Variants in JCHAIN observed in about 807,000 individuals in gnomAD.
The protein encoded by JCHAIN is joining chain of multimeric IgA and IgM.
Under a neutral mutation model 11.1 loss-of-function variants are expected in JCHAIN, and 5 were observed. That is an observed-to-expected ratio of 0.45 (90% CI 0.24 to 0.95). The LOEUF is 0.95. JCHAIN is among the 40% of genes least tolerant of loss of function. The pLI is 0.21. For synonymous variants in JCHAIN, 51 were observed against 67.8 expected (o/e 0.75, Z 1.22); for missense variants, 165 against 192.7 (o/e 0.86, Z 0.85).
Position 70,657,247 on chromosome 4 carries a change from G to A in JCHAIN, c.233C>T (p.Pro78Leu), listed in dbSNP as rs768807937. The A allele has an allele frequency of 6.2e-7, 1 of 1,605,150 alleles. No homozygotes were observed. The highest frequency in any genetic ancestry group is 1.1e-5 in the South Asian group (1 of 90,786). Residue 78 changes from proline to leucine, a missense_variant, in exon 3 of 4, where the codon CCA becomes CTA. Transcript: ENST00000254801. ...NRENISDPTS[P>L]LRTRFVYHLS... ...ATGGTACACAAATCTGGTTCTCAAT[G>A]GTGAGGTGGGATCAGAGATATTCTC...
intron 1 of JCHAIN, among the ~76,000 whole-genome samples, chr4:70,662,594 T>A (rs1053736726): frequency 1.3e-5 from 2 of 152,196 alleles, no homozygotes; most frequent in African/African-American, 2.4e-5. Flanking sequence ...ACCACAATTA[T>A]CTGCCTTTTC....
chr4:70,665,931 G>C (rs1739145351), intron 1 of JCHAIN: 1 of 309,990 alleles, frequency 3.2e-6, no homozygotes, highest in African/African-American at 2.2e-5. Flanking sequence ...CAAAAGTTCA[G>C]TCATCAATTT....
At chr4:70,658,947 C>T (rs537502697) in intron 2 of JCHAIN, among the ~76,000 whole-genome samples, 1 of 152,240 alleles carries the variant, frequency 6.6e-6, no homozygotes, top group East Asian at 1.9e-4. Context: ...TTTAAATAAA[C>T]TGTTTTATCC....
Position 70,660,490 on chromosome 4 carries a change from T to C in JCHAIN, c.188+1602A>G, listed in dbSNP as rs146624128. Among the ~76,000 whole-genome samples, 870 of 151,950 alleles carry C rather than the reference T, an allele frequency of 5.7e-3. 5 individuals are homozygous for C. The highest frequency in any genetic ancestry group is 0.016 in the African/African-American group (647 of 41,386). On this transcript the variant is annotated intron_variant, in intron 2 of 3. Coordinates refer to ENST00000254801, the MANE Select transcript of JCHAIN (RefSeq NM_144646.4). ...CCTCCGCCTTCCGGGTTCAAGTGAT[T>C]CTCCTGCTTCAGCCTCCCGAGTAGC...
chr4:70,666,288 T>C, intron 1 of JCHAIN, 139 bp downstream of exon 1: 4 of 612,344 alleles, frequency 6.5e-6, no homozygotes, highest in Admixed American at 3.1e-5. Flanking sequence ...ACAACTGCCA[T>C]AGAAAGATGA....
At chr4:70,657,617 T>C (rs180845862) in intron 2 of JCHAIN, among the ~76,000 whole-genome samples, 253 of 152,278 alleles carry the variant, frequency 1.7e-3, no homozygotes, top group Middle Eastern at 0.01. Flanking sequence ...AACAAACTTC[T>C]TCCTCTGCAG....
At chr4:70,659,089 C>G (rs578241811) in intron 2 of JCHAIN, among the ~76,000 whole-genome samples, 2 of 152,270 alleles carry the variant, frequency 1.3e-5, no homozygotes, top group East Asian at 3.9e-4. Flanking sequence ...AAGCCAAACA[C>G]TGTTCTTTTA....
chr4:70,660,654 C>G (rs1049854931), intron 2 of JCHAIN, among the ~76,000 whole-genome samples: 5 of 151,944 alleles, frequency 3.3e-5, no homozygotes, highest in Non-Finnish European at 7.4e-5. Context: ...AAAGTGCTGG[C>G]ATTACAGGCA....
chr4:70,662,230 G>A lies in JCHAIN; in HGVS notation c.65-15C>T, dbSNP rs147406561. On this transcript the variant is annotated splice_polypyrimidine_tract_variant and intron_variant, in intron 1 of 3. Coordinates refer to ENST00000254801, the MANE Select transcript of JCHAIN (RefSeq NM_144646.4). ...ATCTTCTTGGGCTTGAAAGGTAAAC[G>A]TATTAAAAAGAAAGGAAAACAAAGG... The A allele has an allele frequency of 8.8e-5, 142 of 1,604,664 alleles. No individual in the cohort carries two copies. In the African/African-American group the frequency reaches 1.6e-3, roughly 18 times the overall value.
Position 70,656,159 on chromosome 4 carries a change from T to A in JCHAIN, c.*170A>T, listed in dbSNP as rs1738946023. 8.3e-6 allele frequency: 5 copies of A among 600,284 alleles called. No individual in the cohort carries two copies. The highest frequency in any genetic ancestry group is 1.9e-5 in the African/African-American group (1 of 53,288). The allele number at this position is 600,284 out of a possible 1,614,324, so 37.2% of individuals were successfully genotyped here. ...TTAAGAAGTGATTACCTAATAAAGATAACAATGTGACTATTTTAATTATTT... is the reference window on the plus strand; with the variant it reads ...TTAAGAAGTGATTACCTAATAAAGAAAACAATGTGACTATTTTAATTATTT... On this transcript the variant is annotated 3_prime_UTR_variant, in exon 4 of 4. Coordinates refer to ENST00000254801, the MANE Select transcript of JCHAIN (RefSeq NM_144646.4).
At chr4:70,660,040 A>T (rs949741500) in intron 2 of JCHAIN, among the ~76,000 whole-genome samples, 4 of 152,182 alleles carry the variant, frequency 2.6e-5, no homozygotes, top group African/African-American at 9.7e-5. Context: ...AAATAAAAAG[A>T]TGAATTAGAA....
chr4:70,656,597 T>A, intron 3 of JCHAIN, 58 bp from the exon 4 acceptor site: 2 of 1,275,948 alleles, frequency 1.6e-6, no homozygotes, highest in East Asian at 2.3e-5. Context: ...AAAATGTGAC[T>A]ACACATTTCA....
chr4:70,657,191 T>C lies in JCHAIN; in HGVS notation c.269+20A>G, dbSNP rs576956923. The C allele has an allele frequency of 1.4e-5, 19 of 1,396,966 alleles. No homozygotes were observed. The highest frequency in any genetic ancestry group is 1.8e-5 in the Non-Finnish European group (18 of 988,376). The allele number at this position is 1,396,966 out of a possible 1,614,324, so 86.5% of individuals were successfully genotyped here. On this transcript the variant is annotated intron_variant, in intron 3 of 3. Coordinates refer to ENST00000254801, the MANE Select transcript of JCHAIN (RefSeq NM_144646.4). Reference sequence around the variant, plus strand: ...ATTAACTTCCACATCTATATTACTATGGAAAAAAATATATCTTACAGGTCA... The same window carrying C: ...ATTAACTTCCACATCTATATTACTACGGAAAAAAATATATCTTACAGGTCA...
chr4:70,661,559 GC>G (rs2148528526), intron 2 of JCHAIN, among the ~76,000 whole-genome samples: 1 of 152,304 alleles, frequency 6.6e-6, no homozygotes, highest in South Asian at 2.1e-4. Flanking sequence ...GGAGGCCAAG[GC>G]AGGAGGATCG....
rs74939707 is a variant in JCHAIN at position 70,660,774 on chromosome 4, G to A, written c.188+1318C>T. Among the ~76,000 whole-genome samples the A allele has an allele frequency of 3.1e-4, 47 of 152,288 alleles. No homozygotes were observed. The East Asian group carries it at 6.9e-3, about 22-fold the overall frequency. On this transcript the variant is annotated intron_variant, in intron 2 of 3. Transcript: ENST00000254801. ...TGCTAAGCTTTGTAGATCAGGCCAA[G>A]GCATTTGTAATATATCCTAAGGTCA...
intron 1 of JCHAIN, chr4:70,665,966 C>A: frequency 4.2e-6 from 1 of 236,836 alleles, no homozygotes. Flanking sequence ...TAACATTAAA[C>A]ATTGTTAAAG....
In JCHAIN at chr4:70,656,214, C is replaced by CAAA. The variant is rs75422156; in HGVS notation, c.*112_*114dup. 502 of 597,350 alleles carry CAAA rather than the reference C, an allele frequency of 8.4e-4. 4 individuals carry two copies. The African/African-American group carries it at 0.011, about 13-fold the overall frequency. The allele number at this position is 597,350 out of a possible 1,614,324, so 37.0% of individuals were successfully genotyped here. A position where few individuals can be genotyped will look rare whatever the true frequency, so the allele number is the denominator to read the frequency against. ...GGCAGGGAGTTGGTTTTACATCACC[C>CAAA]AAAAAAAAAAAAAAGCCCTGGTTTC... On this transcript the variant is annotated 3_prime_UTR_variant, in exon 4 of 4. Transcript: ENST00000254801.
intron 1 of JCHAIN, among the ~76,000 whole-genome samples, chr4:70,663,086 GAA>G (rs371826943): frequency 6.6e-6 from 1 of 150,918 alleles, no homozygotes; most frequent in African/African-American, 2.4e-5. Flanking sequence ...CCTGTATACA[GAA>G]AAAAAAATGA....
chr4:70,661,980 C>T, intron 2 of JCHAIN, 112 bp downstream of exon 2: 1 of 1,009,442 alleles, frequency 9.9e-7, no homozygotes, highest in Non-Finnish European at 1.5e-6. Flanking sequence ...ATGTAAAGTG[C>T]TACACAGCAA....
Sources: allele counts gnomAD v4.1 joint callset (sites outside exome capture counted in the v4.1 genomes callset), GRCh38; gene constraint gnomAD v4.1.1; transcripts MANE v1.5; gene names NCBI Gene and HGNC (gene_info 2026-07-23, HGNC 2026-07-21).